The following SCN4B variants were observed in gnomAD, a reference collection of about 807,000 sequenced individuals.
SCN4B encodes sodium voltage-gated channel beta subunit 4.
Under a neutral mutation model 19.6 loss-of-function variants are expected in SCN4B, and 20 were observed. The observed-to-expected ratio is 1.02, with a 90% CI of 0.72 to 1.48. SCN4B has a LOEUF of 1.48. Among genes scored for constraint, SCN4B ranks in the 40% most tolerant of loss-of-function variants. SCN4B has a pLI of 0.00. For missense variants in SCN4B, 271 were observed against 287.5 expected, an observed-to-expected ratio of 0.94 and a Z score of 0.42; for synonymous variants, 127 against 122.8, an observed-to-expected ratio of 1.03 and a Z score of -0.22.
chr11:118,135,743 C>T lies in SCN4B; in HGVS notation c.*1284G>A, dbSNP rs1238650975. 3 of 454,336 alleles carry T rather than the reference C, an allele frequency of 6.6e-6. No individual in the cohort carries two copies. The highest frequency in any genetic ancestry group is 6.8e-4 in the Middle Eastern group (1 of 1,466). 28.1% of individuals were successfully genotyped at this position (454,336 alleles called of 1,614,324 possible). On this transcript the variant is annotated 3_prime_UTR_variant, in exon 5 of 5. Coordinates refer to ENST00000324727, the MANE Select transcript of SCN4B (RefSeq NM_174934.4). ...ACTCTGCTGTTATGTCAGGACATAC[C>T]GTCTAGAGAGGATGGGGGTAAGGGC...
chr11:118,135,967 C>A lies in SCN4B; in HGVS notation c.*1060G>T, dbSNP rs759484587. The stretch of plus-strand genomic sequence containing the variant: ...ATCCAAAGGAAGAGAGTCCCTGAGG[C>A]GAAGGCAGGCCCTTGACCCAGGGCT... On this transcript the variant is annotated 3_prime_UTR_variant, in exon 5 of 5. Transcript: ENST00000324727. 4.4e-6 allele frequency: 2 copies of A among 453,060 alleles called. No individual in the cohort carries two copies. Among genetic ancestry groups the A allele is most frequent in the Non-Finnish European group, 8.8e-6 (2 of 226,562 alleles). 28.1% of individuals were successfully genotyped at this position (453,060 alleles called of 1,614,324 possible).
intron 4 of SCN4B, among the ~76,000 whole-genome samples, chr11:118,138,837 C>T (rs1948058247): frequency 6.6e-6 from 1 of 152,068 alleles, no homozygotes; most frequent in South Asian, 2.1e-4. Flanking sequence ...GGGTAAATTC[C>T]AGACAGAGGA....
chr11:118,137,200 T>A (rs66549461), intron 4 of SCN4B, 80 bp from the exon 5 acceptor site: 1 of 1,022,392 alleles, frequency 9.8e-7, no homozygotes, highest in African/African-American at 1.6e-5. Context: ...CCGTGGGCCC[T>A]GCACCCAGCC....
At chr11:118,146,108 C>G (rs562028999) in intron 1 of SCN4B, among the ~76,000 whole-genome samples, 4 of 152,172 alleles carry the variant, frequency 2.6e-5, no homozygotes, top group Non-Finnish European at 5.9e-5. Flanking sequence ...GCGGTCCCCT[C>G]CTGAGCCCTG....
At chr11:118,147,686 C>T (rs945402314) in intron 1 of SCN4B, among the ~76,000 whole-genome samples, 4 of 152,224 alleles carry the variant, frequency 2.6e-5, no homozygotes, top group African/African-American at 4.8e-5. Context: ...ACCAACTCTG[C>T]TTCCCACCCT....
intron 1 of SCN4B, among the ~76,000 whole-genome samples, chr11:118,151,796 A>C (rs914647623): frequency 6.6e-6 from 1 of 152,258 alleles, no homozygotes; most frequent in African/African-American, 2.4e-5. Context: ...AGGAGATTAC[A>C]TCCTGGATGA....
At chr11:118,138,462 C>T (rs893673148) in intron 4 of SCN4B, among the ~76,000 whole-genome samples, 13 of 152,118 alleles carry the variant, frequency 8.5e-5, no homozygotes, top group Non-Finnish European at 1.3e-4. Context: ...CACTAAAGAC[C>T]TCTATTCGGA....
chr11:118,138,116 T>C (rs537304673), intron 4 of SCN4B, among the ~76,000 whole-genome samples: 36 of 152,236 alleles, frequency 2.4e-4, no homozygotes, highest in African/African-American at 8.4e-4. Context: ...GCGCCCAGGC[T>C]GGGCACACAG....
chr11:118,152,805 A>G lies in SCN4B; in HGVS notation c.-132T>C. ...CTGCGCCGCCGGTCGGGGCTCGGGAAAGTTAGCGGGCAGAGAGCGAGAGGA... is the reference window on the plus strand; with the variant it reads ...CTGCGCCGCCGGTCGGGGCTCGGGAGAGTTAGCGGGCAGAGAGCGAGAGGA... On this transcript the variant is annotated 5_prime_UTR_variant, in exon 1 of 5. Coordinates refer to ENST00000324727, the MANE Select transcript of SCN4B (RefSeq NM_174934.4). 1.6e-6 allele frequency: 1 copy of G among 623,314 alleles called. No individual in the cohort carries two copies. The highest frequency in any genetic ancestry group is 3.1e-5 in the Admixed American group (1 of 32,396). The allele number at this position is 623,314 out of a possible 1,614,324, so 38.6% of individuals were successfully genotyped here. A position where few individuals can be genotyped will look rare whatever the true frequency, so the allele number is the denominator to read the frequency against.
At chr11:118,137,242 A>T in intron 4 of SCN4B, 122 bp from the exon 5 acceptor site, 1 of 731,468 alleles carries the variant, frequency 1.4e-6, no homozygotes, top group Non-Finnish European at 2.5e-6. Flanking sequence ...TACAGAGCTA[A>T]GGTAGCCAGA....
chr11:118,135,257 G>A lies in SCN4B; in HGVS notation c.*1770C>T. On this transcript the variant is annotated 3_prime_UTR_variant, in exon 5 of 5. Coordinates refer to ENST00000324727, the MANE Select transcript of SCN4B (RefSeq NM_174934.4). ...TGGTGAGCCCAGCAGGTTGGCTAAGGGACACTGGCCACAGCCACGGGCACC... is the reference window on the plus strand; with the variant it reads ...TGGTGAGCCCAGCAGGTTGGCTAAGAGACACTGGCCACAGCCACGGGCACC... 2.2e-6 allele frequency: 1 copy of A among 453,832 alleles called. No homozygotes were observed. The highest frequency in any genetic ancestry group is 1.6e-5 in the South Asian group (1 of 64,468). The allele number at this position is 453,832 out of a possible 1,614,324, so 28.1% of individuals were successfully genotyped here.
intron 4 of SCN4B, among the ~76,000 whole-genome samples, chr11:118,138,534 C>T (rs989461639): frequency 1.3e-5 from 2 of 152,156 alleles, no homozygotes; most frequent in Non-Finnish European, 2.9e-5. Flanking sequence ...GTACCTAAGG[C>T]ATAGTTAACC....
At chr11:118,145,513 T>C (rs748867546) in intron 1 of SCN4B, 3 of 1,316,792 alleles carry the variant, frequency 2.3e-6, no homozygotes, top group South Asian at 2.7e-5. Flanking sequence ...AACAAAGGCC[T>C]GGCCACTGCC....
At position 118,133,640 on chromosome 11, in the gene SCN4B, A is replaced by G; in HGVS notation, c.*3387T>C. Reference sequence around the variant, plus strand: ...TCCAAGCCAGAGGAATAAACCATGCATAAGATAGTCAAAAGCACTGCATAT... The same window carrying G: ...TCCAAGCCAGAGGAATAAACCATGCGTAAGATAGTCAAAAGCACTGCATAT... On this transcript the variant is annotated 3_prime_UTR_variant, in exon 5 of 5. Transcript: ENST00000324727. 4.4e-6 allele frequency: 2 copies of G among 454,592 alleles called. No individual in the cohort carries two copies. The highest frequency in any genetic ancestry group is 4.4e-6 in the Non-Finnish European group (1 of 226,804). The allele number at this position is 454,592 out of a possible 1,614,324, so 28.2% of individuals were successfully genotyped here.
chr11:118,148,389 G>A lies in SCN4B; in HGVS notation c.62-3160C>T, dbSNP rs1015925899. Among the ~76,000 whole-genome samples the A allele has an allele frequency of 6.6e-6, 1 of 152,232 alleles. No individual in the cohort carries two copies. The highest frequency in any genetic ancestry group is 2.4e-5 in the African/African-American group (1 of 41,462). On this transcript the variant is annotated intron_variant, in intron 1 of 4. Transcript: ENST00000324727. This position sits in a 1 kb window ranked among gnomAD's most constrained non-coding sequence, Gnocchi z 4.0. ...GGGGGAGAGGGGGGAACCAGGGGCAGGTGTTGGTCCACAAAGGCCGCCGGA... is the reference window on the plus strand; with the variant it reads ...GGGGGAGAGGGGGGAACCAGGGGCAAGTGTTGGTCCACAAAGGCCGCCGGA...
rs149541227 is a variant in SCN4B, at chr11:118,151,150, AC to A, written c.61+1462del. Among the ~76,000 whole-genome samples the A allele has an allele frequency of 2.5e-3, 353 of 141,600 alleles. 4 individuals carry two copies. Among genetic ancestry groups the A allele is most frequent in the African/African-American group, 8.9e-3 (336 of 37,584 alleles). The allele number at this position is 141,600 out of a possible 152,430, so 92.9% of individuals were successfully genotyped here. ...CACACACACACACACACACACACACACATCATTTTCAGGGCCCTCTTGGTTG... is the reference window on the plus strand; with the variant it reads ...CACACACACACACACACACACACACAATCATTTTCAGGGCCCTCTTGGTTG... On this transcript the variant is annotated intron_variant, in intron 1 of 4. Coordinates refer to ENST00000324727, the MANE Select transcript of SCN4B (RefSeq NM_174934.4).
In SCN4B at chr11:118,136,328, C is replaced by A. The variant is rs1361757013; in HGVS notation, c.*699G>T. On this transcript the variant is annotated 3_prime_UTR_variant, in exon 5 of 5. Transcript: ENST00000324727. ...GGCCCCTTCCTGAGCCCCTCAGTAA[C>A]CCAGAGAGCAGAGGAGCAGGCTAGG... 1 of 453,746 alleles carries A rather than the reference C, an allele frequency of 2.2e-6. No homozygotes were observed. The highest frequency in any genetic ancestry group is 2.4e-5 in the Admixed American group (1 of 42,544). 28.1% of individuals were successfully genotyped at this position (453,746 alleles called of 1,614,324 possible).
rs760271823 is a variant in SCN4B, at chr11:118,135,990, G to C, written c.*1037C>G. 6.6e-6 allele frequency: 3 copies of C among 452,662 alleles called. No individual in the cohort carries two copies. Among genetic ancestry groups the C allele is most frequent in the South Asian group, 4.7e-5 (3 of 64,244 alleles). The allele number at this position is 452,662 out of a possible 1,614,324, so 28.0% of individuals were successfully genotyped here. A position where few individuals can be genotyped will look rare whatever the true frequency, so the allele number is the denominator to read the frequency against. Reference sequence around the variant, plus strand: ...GGCGAAGGCAGGCCCTTGACCCAGGGCTGGGAAATGAACCACCCTGGGGGC... The same window carrying C: ...GGCGAAGGCAGGCCCTTGACCCAGGCCTGGGAAATGAACCACCCTGGGGGC... On this transcript the variant is annotated 3_prime_UTR_variant, in exon 5 of 5. Transcript: ENST00000324727.
rs887385703 is a variant in SCN4B at position 118,136,845 on chromosome 11, G to A, written c.*182C>T. On this transcript the variant is annotated 3_prime_UTR_variant, in exon 5 of 5. Transcript: ENST00000324727. ...CCCCTGGCCATCCCTTGTCCCTGGGGAGCCCTGACTGGGAAGGGGATGGGC... is the reference window on the plus strand; with the variant it reads ...CCCCTGGCCATCCCTTGTCCCTGGGAAGCCCTGACTGGGAAGGGGATGGGC... 5.8e-6 allele frequency: 4 copies of A among 688,294 alleles called. No individual in the cohort carries two copies. Among genetic ancestry groups the A allele is most frequent in the African/African-American group, 5.3e-5 (3 of 56,852 alleles). 42.6% of individuals were successfully genotyped at this position (688,294 alleles called of 1,614,324 possible). A position where few individuals can be genotyped will look rare whatever the true frequency, so the allele number is the denominator to read the frequency against.
Sources: gnomAD v4.1 joint callset for allele counts (sites outside exome capture counted in the v4.1 genomes callset) on GRCh38, gnomAD v4.1.1 for gene constraint, Gnocchi (gnomAD v3.1) non-coding constraint, MANE v1.5 for transcripts, NCBI Gene and HGNC (gene_info 2026-07-23, HGNC 2026-07-21) for gene names.